The following ARRDC1 variants were observed in gnomAD, a reference collection of about 807,000 sequenced individuals.
ARRDC1 encodes arrestin domain containing 1.
In ARRDC1, 37 loss-of-function variants were observed where a neutral mutation model predicts 40.1. The observed-to-expected ratio is 0.92, with a 90% CI of 0.71 to 1.21. The LOEUF is 1.21. Ranked by LOEUF, ARRDC1 falls within the 50% of genes most tolerant of loss-of-function variation. The pLI, the probability that ARRDC1 is intolerant of heterozygous loss-of-function variation, is 0.00. For missense variants in ARRDC1, 641 were observed against 581.9 expected (o/e 1.10, Z -1.04); for synonymous variants, 310 against 262.5 (o/e 1.18, Z -1.75).
intron 1 of ARRDC1, among the ~76,000 whole-genome samples, chr9:137,609,834 A>T (rs566507585): frequency 2.6e-4 from 39 of 150,436 alleles, no homozygotes; most frequent in Non-Finnish European, 7.4e-5. Context: ...CTGTGTCGAG[A>T]CATTTAATAT....
At position 137,613,748 on chromosome 9, in the gene ARRDC1, G is replaced by T; in HGVS notation, c.414G>T (p.Leu138=). The change falls in exon 4 of 8, where the codon CTG becomes CTT. Residue 138 remains leucine (L), a synonymous_variant. Coordinates refer to ENST00000371421, the MANE Select transcript of ARRDC1 (RefSeq NM_152285.4). ...TCTATATCTTGAGCCCCTTGAACCT[G>T]AACAGCATCCCAGACATTGAGGTGA... ...LVFYILSPLN[L]NSIPDIEQPN... 4 of 1,614,202 alleles carry T rather than the reference G, an allele frequency of 2.5e-6. No individual in the cohort carries two copies. Among genetic ancestry groups the T allele is most frequent in the Non-Finnish European group, 3.4e-6 (4 of 1,180,034 alleles).
intron 1 of ARRDC1, chr9:137,611,388 G>A (rs1842513904): frequency 6.6e-6 from 1 of 152,040 alleles, no homozygotes; most frequent in South Asian, 2.1e-4. Context: ...GTCTCTATAA[G>A]AAAAACAAAA....
intron 2 of ARRDC1, 59 bp from the exon 3 acceptor site, chr9:137,613,401 T>TGGCCACCTCA (rs200350999): frequency 1.3e-6 from 2 of 1,579,054 alleles, no homozygotes; most frequent in East Asian, 2.3e-5. Flanking sequence ...CCTGGCCCTG[T>TGGCCACCTCA]GGCCACCTCA....
chr9:137,614,573 GC>G lies in ARRDC1; in HGVS notation c.812del (p.Pro271ArgfsTer5). On this transcript the variant is annotated frameshift_variant, in exon 7 of 8. Transcript: ENST00000371421. LOFTEE classifies it high-confidence loss of function. ...DYYLQVSLKA[P>X]EATVTLPVFI... is the part of the protein sequence containing the mutation. ...ATCCTGTCCAGGTCTCTCTGAAGGC[GC>G]CGGAAGCTACTGTGACCCTCCCGGT... 1 of 1,612,976 alleles carries G rather than the reference GC, an allele frequency of 6.2e-7. No homozygotes were observed. Among genetic ancestry groups the G allele is most frequent in the Non-Finnish European group, 8.5e-7 (1 of 1,179,916 alleles).
rs1385213234 is a variant in ARRDC1, at chr9:137,605,811, C to T, written c.94C>T (p.Leu32=). 3 of 1,281,126 alleles carry T rather than the reference C, an allele frequency of 2.3e-6. No individual in the cohort carries two copies. The highest frequency in any genetic ancestry group is 4.1e-5 in the Admixed American group (1 of 24,272). The allele number at this position is 1,281,126 out of a possible 1,614,324, so 79.4% of individuals were successfully genotyped here. The change falls in exon 1 of 8, where the codon CTG becomes TTG. Residue 32 remains leucine (L), a synonymous_variant. Transcript: ENST00000371421. ...GTTGGCTGGGACCGTGCGCGTGCGCCTGGGGGCACCGCTGCCGTTCCGAGG... is the reference window on the plus strand; with the variant it reads ...GTTGGCTGGGACCGTGCGCGTGCGCTTGGGGGCACCGCTGCCGTTCCGAGG... ...EPLAGTVRVR[L]GAPLPFRAIR... is the part of the protein sequence containing the mutation.
chr9:137,612,918 T>C lies in ARRDC1; in HGVS notation c.141T>C (p.Gly47=). Residue 47 remains glycine, a synonymous_variant, in exon 2 of 8, where the codon GGT becomes GGC. Transcript: ENST00000371421. ...PFRAIRVTCI[G]SCGVSNKAND... is the part of the protein sequence containing the mutation. ...CAGCCATCCGGGTGACCTGCATAGG[T>C]TCCTGCGGGGTCTCCAACAAGGCTA... 6.2e-7 allele frequency: 1 copy of C among 1,614,050 alleles called. No homozygotes were observed.
At chr9:137,607,567 C>T (rs1842445071) in intron 1 of ARRDC1, among the ~76,000 whole-genome samples, 3 of 152,198 alleles carry the variant, frequency 2.0e-5, no homozygotes, top group Admixed American at 1.3e-4. Flanking sequence ...GATGGGCGAC[C>T]AGGGCCGACA....
Position 137,615,138 on chromosome 9 carries a change from AC to A in ARRDC1, c.*4del, listed in dbSNP as rs773780626. On this transcript the variant is annotated 3_prime_UTR_variant, in exon 8 of 8. Coordinates refer to ENST00000371421, the MANE Select transcript of ARRDC1 (RefSeq NM_152285.4). ...AACCCAGCCTGACCCCTGAGAGCTGACCCCGTGCTGCCTTCTCCAGGCAGGC... is the reference window on the plus strand; with the variant it reads ...AACCCAGCCTGACCCCTGAGAGCTGACCCGTGCTGCCTTCTCCAGGCAGGC... The A allele has an allele frequency of 5.3e-5, 81 of 1,529,892 alleles. No homozygotes were observed. The African/African-American group carries it at 1.1e-3, about 20-fold the overall frequency. The allele number at this position is 1,529,892 out of a possible 1,614,324, so 94.8% of individuals were successfully genotyped here. A position where few individuals can be genotyped will look rare whatever the true frequency, so the allele number is the denominator to read the frequency against.
At position 137,607,587 on chromosome 9, in the gene ARRDC1, G is replaced by A. The variant is rs186464337; in HGVS notation, c.118+1752G>A. Among the ~76,000 whole-genome samples, 53 of 152,312 alleles carry A rather than the reference G, an allele frequency of 3.5e-4. No homozygotes were observed. In the East Asian group the frequency reaches 8.5e-3, roughly 24 times the overall value. ...GCGACCAGGGCCGACAGTGGTTCTC[G>A]GAGCACTCATGGTGGGCCCGATGCA... is the stretch of plus-strand genomic sequence containing the variant. On this transcript the variant is annotated intron_variant, in intron 1 of 7. Transcript: ENST00000371421.
chr9:137,611,562 AAAC>A (rs572085119), intron 1 of ARRDC1: 6,479 of 152,756 alleles, frequency 0.042, 217 homozygotes, highest in South Asian at 0.14. Flanking sequence ...CGTGTCTCAA[AAAC>A]AACAACAACA....
rs73669131 is a variant in ARRDC1, at chr9:137,606,894, C to T, written c.118+1059C>T. On this transcript the variant is annotated intron_variant, in intron 1 of 7. Transcript: ENST00000371421. ...GAGGGCTGTGCAGGACCCTGTCGTC[C>T]TTCCCCTGGCGTGGCCTGGGGTGAG... Among the ~76,000 whole-genome samples, 837 of 152,350 alleles carry T rather than the reference C, an allele frequency of 5.5e-3. 5 individuals are homozygous for T. The highest frequency in any genetic ancestry group is 0.034 in the Middle Eastern group (10 of 294).
Position 137,605,854 on chromosome 9 carries a change from G to A in ARRDC1, c.118+19G>A. ...TTCCGAGGTGGGCGCGGGTCCTCGG[G>A]GAGGGCCTTTGGCCGCACCTGCGCG... On this transcript the variant is annotated intron_variant, in intron 1 of 7. Transcript: ENST00000371421. The A allele has an allele frequency of 1.6e-6, 2 of 1,232,464 alleles. No homozygotes were observed. The highest frequency in any genetic ancestry group is 1.0e-6 in the Non-Finnish European group (1 of 983,386). 76.3% of individuals were successfully genotyped at this position (1,232,464 alleles called of 1,614,324 possible). A position where few individuals can be genotyped will look rare whatever the true frequency, so the allele number is the denominator to read the frequency against.
chr9:137,611,277 C>T (rs140961556), intron 1 of ARRDC1, among the ~76,000 whole-genome samples: 292 of 152,068 alleles, frequency 1.9e-3, no homozygotes, highest in Middle Eastern at 3.4e-3. Flanking sequence ...AGCTGGGTAC[C>T]GTGGCTCATG....
chr9:137,612,806 G>C (rs965539360), intron 1 of ARRDC1, 90 bp from the exon 2 acceptor site: 6 of 985,772 alleles, frequency 6.1e-6, no homozygotes, highest in Non-Finnish European at 9.4e-6. Flanking sequence ...AGGTGGTGCT[G>C]CTTGGCCCCA....
chr9:137,612,043 G>C (rs1213132535), intron 1 of ARRDC1: 2 of 152,472 alleles, frequency 1.3e-5, no homozygotes, highest in Non-Finnish European at 2.9e-5. Flanking sequence ...GGGAGAAGAG[G>C]GGCTGGAGGT....
At chr9:137,613,100 C>T in intron 2 of ARRDC1, 94 bp downstream of exon 2, 1 of 990,996 alleles carries the variant, frequency 1.0e-6, no homozygotes, top group Non-Finnish European at 1.6e-6. Flanking sequence ...CCTAGATCTG[C>T]CTCTTGGATC....
At chr9:137,611,679 C>A (rs1006338099) in intron 1 of ARRDC1, 2 of 152,238 alleles carry the variant, frequency 1.3e-5, no homozygotes, top group East Asian at 3.8e-4. Context: ...GGGTAGAGGG[C>A]GTGCAGCAGG....
chr9:137,613,878 G>C (rs1368378755), intron 4 of ARRDC1, 109 bp downstream of exon 4: 23 of 1,532,492 alleles, frequency 1.5e-5, no homozygotes, highest in Middle Eastern at 1.8e-4. Context: ...GCTGAGGTGA[G>C]GGGGGCCAGG....
rs775132815 is a variant in ARRDC1 at position 137,612,934 on chromosome 9, A to C, written c.157A>C (p.Asn53His). 5.0e-6 allele frequency: 8 copies of C among 1,614,158 alleles called. No homozygotes were observed. The South Asian group carries it at 8.8e-5, about 18-fold the overall frequency. The change falls in exon 2 of 8, where the codon AAC (asparagine) becomes CAC (histidine). Residue 53 changes from asparagine (N) to histidine (H), a missense_variant. Transcript: ENST00000371421. The part of the protein sequence containing the change: ...VTCIGSCGVS[N>H]KANDTAWVVE... ...CTGCATAGGTTCCTGCGGGGTCTCCAACAAGGCTAATGACACAGCGTGGGT... is the reference window on the plus strand; with the variant it reads ...CTGCATAGGTTCCTGCGGGGTCTCCCACAAGGCTAATGACACAGCGTGGGT...
Sources: gnomAD v4.1 joint callset for allele counts (sites outside exome capture counted in the v4.1 genomes callset) on GRCh38, gnomAD v4.1.1 for gene constraint, MANE v1.5 for transcripts, NCBI Gene and HGNC (gene_info 2026-07-23, HGNC 2026-07-21) for gene names.